Variants in CRTAC1 observed in about 807,000 individuals in gnomAD.
CRTAC1 encodes the protein acidic secreted protein in cartilage.
Under a neutral mutation model 67.8 loss-of-function variants are expected in CRTAC1, and 37 were observed. The observed-to-expected ratio is 0.55, with a 90% CI of 0.42 to 0.72. CRTAC1 has a LOEUF of 0.72. Among genes scored for constraint, CRTAC1 ranks in the 30% least tolerant of loss-of-function variants. The pLI is 0.00. For synonymous variants in CRTAC1, 348 were observed against 371.0 expected (o/e 0.94, Z 0.71); for missense variants, 780 against 931.6 (o/e 0.84, Z 2.12).
At chr10:97,950,146 G>A (rs1422278948) in intron 2 of CRTAC1, among the ~76,000 whole-genome samples, 3 of 152,024 alleles carry the variant, frequency 2.0e-5, no homozygotes, top group African/African-American at 4.8e-5. Flanking sequence ...CATCTATAAA[G>A]TGGGGCTAAC....
At chr10:97,934,004 ACT>A (rs1293359705) in intron 3 of CRTAC1, among the ~76,000 whole-genome samples, 2 of 152,124 alleles carry the variant, frequency 1.3e-5, no homozygotes, top group African/African-American at 4.8e-5. Flanking sequence ...ACAATGCAAC[ACT>A]CTAAGAGCGT....
intron 3 of CRTAC1, among the ~76,000 whole-genome samples, chr10:97,930,037 C>T (rs1349289377): frequency 1.3e-5 from 2 of 152,142 alleles, no homozygotes; most frequent in Non-Finnish European, 2.9e-5. Flanking sequence ...GAGGGAAACC[C>T]GATCAGCTCC....
intron 3 of CRTAC1, 90 bp downstream of exon 3, chr10:97,936,080 G>C: frequency 7.8e-7 from 1 of 1,279,804 alleles, no homozygotes; most frequent in Non-Finnish European, 1.1e-6. Context: ...AGTTGCCTGA[G>C]GAAGGGCCAG....
rs201802414 is a variant in CRTAC1 at position 97,908,152 on chromosome 10, A to G, written c.716-5T>C. The G allele has an allele frequency of 3.1e-5, 50 of 1,613,916 alleles. No individual in the cohort carries two copies. In the Admixed American group the frequency reaches 3.8e-4, roughly 12 times the overall value. On this transcript the variant is annotated splice_polypyrimidine_tract_variant and splice_region_variant and intron_variant, in intron 5 of 14. Transcript: ENST00000370597. ...CCACGCTGACGCCTCGGCCCCCTAG[A>G]AAAGACATCGACCCACAGTGAGTGG...
chr10:97,882,926 A>C, intron 12 of CRTAC1, 98 bp from the exon 13 acceptor site: 1 of 1,215,098 alleles, frequency 8.2e-7, no homozygotes, highest in Non-Finnish European at 1.2e-6. Context: ...CACCCTAACC[A>C]CAGTGTGAGG....
chr10:98,013,706 A>G (rs1412180419), intron 1 of CRTAC1, among the ~76,000 whole-genome samples: 1 of 152,216 alleles, frequency 6.6e-6, no homozygotes, highest in Non-Finnish European at 1.5e-5. Flanking sequence ...GCAGACCTTC[A>G]ACAGTTTTTT....
intron 2 of CRTAC1, among the ~76,000 whole-genome samples, chr10:97,972,766 C>T (rs541511354): frequency 6.6e-6 from 1 of 152,182 alleles, no homozygotes; most frequent in African/African-American, 2.4e-5. Flanking sequence ...GCTTTTATAA[C>T]CTGGGGAATT....
intron 5 of CRTAC1, 82 bp from the exon 6 acceptor site, chr10:97,908,229 A>G (rs2050641925): frequency 6.7e-7 from 1 of 1,482,552 alleles, no homozygotes; most frequent in Non-Finnish European, 9.3e-7. Context: ...CTGAGGCCTG[A>G]GGGGAACTGC....
chr10:97,950,812 T>C (rs2051343046), intron 2 of CRTAC1, among the ~76,000 whole-genome samples: 2 of 152,060 alleles, frequency 1.3e-5, no homozygotes, highest in South Asian at 4.1e-4. Flanking sequence ...GAAGTCAAGA[T>C]GGACAAGAAG....
chr10:98,013,003 T>C (rs934286540), intron 1 of CRTAC1, among the ~76,000 whole-genome samples: 4 of 152,198 alleles, frequency 2.6e-5, no homozygotes, highest in Admixed American at 1.3e-4. Flanking sequence ...AGGAAACTCA[T>C]AATTGGATTA....
chr10:97,952,168 C>T (rs558199788), intron 2 of CRTAC1, among the ~76,000 whole-genome samples: 45 of 151,964 alleles, frequency 3.0e-4, no homozygotes, highest in African/African-American at 8.0e-4. Flanking sequence ...CTGGCTAACA[C>T]GGTGAAACCC....
chr10:98,002,764 T>G (rs1842715718), intron 2 of CRTAC1, among the ~76,000 whole-genome samples: 2 of 77,296 alleles, frequency 2.6e-5, no homozygotes, highest in African/African-American at 8.1e-5. Flanking sequence ...AAACTCACTT[T>G]TTTTTTTTTT....
At chr10:98,006,175 A>G (rs1842785817) in intron 2 of CRTAC1, among the ~76,000 whole-genome samples, 1 of 152,250 alleles carries the variant, frequency 6.6e-6, no homozygotes, top group Admixed American at 6.5e-5. Flanking sequence ...CAAGATTGAC[A>G]CCAACAGGAA....
chr10:97,964,268 A>G (rs2136645492), intron 2 of CRTAC1, among the ~76,000 whole-genome samples: 1 of 152,306 alleles, frequency 6.6e-6, no homozygotes, highest in East Asian at 1.9e-4. Flanking sequence ...TCAGAATCAC[A>G]TGGTGGGGGG....
intron 2 of CRTAC1, among the ~76,000 whole-genome samples, chr10:97,949,494 TTA>T (rs1045847097): frequency 2.6e-5 from 4 of 152,206 alleles, no homozygotes; most frequent in African/African-American, 9.6e-5. Flanking sequence ...GGGCAGGCAT[TTA>T]GGGTCTTAAG....
chr10:97,896,113 G>C (rs2050455667), intron 9 of CRTAC1, 128 bp from the exon 10 acceptor site: 1 of 749,448 alleles, frequency 1.3e-6, no homozygotes, highest in Non-Finnish European at 2.3e-6. Context: ...ACCGGGGCAG[G>C]AAGGCTGGGG....
intron 1 of CRTAC1, among the ~76,000 whole-genome samples, chr10:98,023,668 A>G (rs80038757): frequency 0.04 from 6,046 of 152,262 alleles, 374 homozygotes; most frequent in African/African-American, 0.13. Context: ...CCTTAGAGGA[A>G]GAGACTGCCG....
At chr10:97,912,034 A>G (rs1376529124) in intron 5 of CRTAC1, among the ~76,000 whole-genome samples, 2 of 152,158 alleles carry the variant, frequency 1.3e-5, no homozygotes, top group Non-Finnish European at 2.9e-5. Flanking sequence ...AGAAAGTCCA[A>G]GTTTGAGCTG....
chr10:98,007,188 C>T (rs948432602), intron 2 of CRTAC1, among the ~76,000 whole-genome samples: 3 of 152,182 alleles, frequency 2.0e-5, no homozygotes, highest in Non-Finnish European at 4.4e-5. Flanking sequence ...AAGTAACTAT[C>T]GAGCTGGATT....
Sources: allele counts gnomAD v4.1 joint callset (sites outside exome capture counted in the v4.1 genomes callset), GRCh38; gene constraint gnomAD v4.1.1; transcripts MANE v1.5; gene names NCBI Gene and HGNC (gene_info 2026-07-23, HGNC 2026-07-21).